STAB2: variants seen among roughly 807,000 people sequenced by gnomAD.
STAB2 encodes stabilin-2.
Under a neutral mutation model 338.1 loss-of-function variants are expected in STAB2, and 288 were observed. That is an observed-to-expected ratio of 0.85 (90% confidence interval 0.77 to 0.94). The LOEUF is 0.94. STAB2 is among the 40% of genes least tolerant of loss of function. The pLI is 0.00. For missense variants in STAB2, 3,141 were observed against 3,210.1 expected (o/e 0.98, Z 0.52); for synonymous variants, 1,202 against 1,193.3 (o/e 1.01, Z -0.15).
chr12:103,604,123 T>G (rs1489201316), intron 3 of STAB2, among the ~76,000 whole-genome samples: 1 of 152,172 alleles, frequency 6.6e-6, no homozygotes, highest in Non-Finnish European at 1.5e-5. Flanking sequence ...TTTGGAATTT[T>G]CTCCATAGAC....
intron 5 of STAB2, 142 bp from the exon 6 acceptor site, chr12:103,631,454 ACC>A: frequency 1.4e-6 from 1 of 700,286 alleles, no homozygotes; most frequent in South Asian, 2.1e-5. Flanking sequence ...AAAAAAAAAA[ACC>A]TGGTGCTGAT....
In STAB2 at chr12:103,762,261, T is replaced by C. The variant is rs748671054; in HGVS notation, c.7360-13T>C. The C allele has an allele frequency of 4.3e-6, 7 of 1,612,866 alleles. No homozygotes were observed. The highest frequency in any genetic ancestry group is 1.7e-5 in the Admixed American group (1 of 59,748). ...GTTTTAAGAATGGGCCCCTTTCCTT[T>C]CTTTGTGTTCAGACCTTGACCCACA... On this transcript the variant is annotated splice_polypyrimidine_tract_variant and intron_variant, in intron 66 of 68. Transcript: ENST00000388887.
chr12:103,631,569 A>T, intron 5 of STAB2, 29 bp from the exon 6 acceptor site: 4 of 1,598,926 alleles, frequency 2.5e-6, no homozygotes, highest in Non-Finnish European at 3.4e-6. Context: ...TATGTCAGGT[A>T]ATAAAAATCC....
chr12:103,667,477 A>G (rs1425521801), intron 19 of STAB2, among the ~76,000 whole-genome samples: 1 of 152,236 alleles, frequency 6.6e-6, no homozygotes, highest in Non-Finnish European at 1.5e-5. Flanking sequence ...ATGTGGCAGA[A>G]CCATGATTTG....
At chr12:103,617,714 C>A (rs1957232332) in intron 3 of STAB2, among the ~76,000 whole-genome samples, 1 of 152,214 alleles carries the variant, frequency 6.6e-6, no homozygotes, top group Non-Finnish European at 1.5e-5. Flanking sequence ...AGCTACCCAT[C>A]AGTATTTCTC....
chr12:103,638,208 G>A lies in STAB2; in HGVS notation c.902G>A (p.Gly301Glu). 6.2e-7 allele frequency: 1 copy of A among 1,613,406 alleles called. No homozygotes were observed. The change falls in exon 8 of 69, where the codon GGA becomes GAA. Residue 301 changes from glycine (G) to glutamate (E), a missense_variant. Coordinates refer to ENST00000388887, the MANE Select transcript of STAB2 (RefSeq NM_017564.10). ...KSTVCKYDGP[G>E]QSHCECKEHY... The stretch of plus-strand genomic sequence containing the variant: ...ACAGTGTGCAAATATGATGGGCCTG[G>A]ACAGGTGAGCAAATGATGCAGGGAA...
intron 3 of STAB2, among the ~76,000 whole-genome samples, chr12:103,601,524 G>A (rs367581518): frequency 4.4e-4 from 67 of 152,310 alleles, no homozygotes; most frequent in African/African-American, 1.4e-3. Flanking sequence ...CCCGGGAGGC[G>A]GAAGTTGCAG....
intron 26 of STAB2, 45 bp downstream of exon 26, chr12:103,683,345 A>C (rs747533101): frequency 6.6e-7 from 1 of 1,510,278 alleles, no homozygotes; most frequent in Admixed American, 2.0e-5. Flanking sequence ...AAAAAAAAAA[A>C]AACAATGCTT....
At chr12:103,606,731 T>C (rs144321850) in intron 3 of STAB2, among the ~76,000 whole-genome samples, 258 of 152,320 alleles carry the variant, frequency 1.7e-3, no homozygotes, top group African/African-American at 5.8e-3. Flanking sequence ...ATACCTGTAA[T>C]CCCAGCACTT....
intron 44 of STAB2, 61 bp from the exon 45 acceptor site, chr12:103,724,914 G>A (rs763113540): frequency 6.9e-5 from 109 of 1,585,488 alleles, no homozygotes; most frequent in Non-Finnish European, 8.2e-5. Context: ...TGTAAATATC[G>A]GTAGAGCTGG....
chr12:103,726,643 G>C (rs1161747188), intron 46 of STAB2, among the ~76,000 whole-genome samples: 2 of 152,140 alleles, frequency 1.3e-5, no homozygotes, highest in African/African-American at 4.8e-5. Flanking sequence ...CACACTGGTA[G>C]AGAAAAAGGT....
chr12:103,617,928 T>C (rs1437415663), intron 3 of STAB2, among the ~76,000 whole-genome samples: 1 of 152,202 alleles, frequency 6.6e-6, no homozygotes, highest in East Asian at 1.9e-4. Flanking sequence ...ACTAATATTC[T>C]GGATGCAGGA....
chr12:103,638,828 G>A (rs772870271), intron 8 of STAB2, among the ~76,000 whole-genome samples: 1 of 152,210 alleles, frequency 6.6e-6, no homozygotes, highest in East Asian at 1.9e-4. Flanking sequence ...GATGCCTTCT[G>A]TGTCCATAAC....
At chr12:103,739,546 T>C in intron 54 of STAB2, 78 bp downstream of exon 54, 1 of 811,098 alleles carries the variant, frequency 1.2e-6, no homozygotes, top group South Asian at 2.7e-5. Context: ...TGTGTGTGTG[T>C]GTGTGTGTGT....
intron 3 of STAB2, among the ~76,000 whole-genome samples, chr12:103,599,228 C>G (rs1206542024): frequency 6.6e-6 from 1 of 152,216 alleles, no homozygotes; most frequent in Non-Finnish European, 1.5e-5. Context: ...AGTCCCTGGT[C>G]TCTTGTGGGG....
rs73396020 is a variant in STAB2, at chr12:103,675,248, T to C, written c.2553-680T>C. Among the ~76,000 whole-genome samples the C allele has an allele frequency of 4.4e-3, 674 of 152,314 alleles. 4 individuals are homozygous for C. Among genetic ancestry groups the C allele is most frequent in the African/African-American group, 0.016 (646 of 41,568 alleles). ...AATATTGGTTGAATAGATGAATGAA[T>C]GGGCCACCTTTAATAGTAAAAGTGT... On this transcript the variant is annotated intron_variant, in intron 23 of 68. Coordinates refer to ENST00000388887, the MANE Select transcript of STAB2 (RefSeq NM_017564.10).
chr12:103,753,494 C>A (rs1883851796), intron 61 of STAB2, 141 bp downstream of exon 61: 1 of 1,143,380 alleles, frequency 8.7e-7, no homozygotes, highest in African/African-American at 1.6e-5. Flanking sequence ...CTAACAGTCA[C>A]CATGTCCATT....
At chr12:103,752,042 G>A (rs943803280) in intron 60 of STAB2, among the ~76,000 whole-genome samples, 3 of 152,140 alleles carry the variant, frequency 2.0e-5, no homozygotes, top group Non-Finnish European at 4.4e-5. Context: ...TTGGTAATGT[G>A]TGCAGCAGAC....
intron 35 of STAB2, 69 bp downstream of exon 35, chr12:103,703,345 G>A (rs1412820352): frequency 3.8e-5 from 59 of 1,564,182 alleles, no homozygotes; most frequent in Non-Finnish European, 4.9e-5. Context: ...TAATTTTGGG[G>A]GCATAAGGCT....
Sources: gnomAD v4.1 joint callset for allele counts (sites outside exome capture counted in the v4.1 genomes callset) on GRCh38, gnomAD v4.1.1 for gene constraint, MANE v1.5 for transcripts, NCBI Gene and HGNC (gene_info 2026-07-23, HGNC 2026-07-21) for gene names.